Variants in NPY2R observed in about 807,000 individuals in gnomAD.
The protein encoded by NPY2R is neuropeptide Y receptor Y2.
A neutral mutation model predicts 22.3 loss-of-function variants in NPY2R; 17 were observed. The ratio of observed to expected loss-of-function variants is 0.76; its 90% CI spans 0.52 to 1.14. The LOEUF is 1.14. NPY2R is among the 50% of genes most tolerant of loss of function. The pLI, the probability that NPY2R is intolerant of heterozygous loss-of-function variation, is 0.00. For synonymous variants in NPY2R, 209 were observed against 183.4 expected (o/e 1.14, Z -1.13); for missense variants, 424 against 467.9 (o/e 0.91, Z 0.87).
chr4:155,201,878 T>C, the NPY2R span, among the ~76,000 whole-genome samples: 1 of 152,274 alleles, frequency 6.6e-6, no homozygotes, highest in South Asian at 2.1e-4. Context: ...CACTTTTGCA[T>C]TAACACATCA....
chr4:155,186,977 T>C, the NPY2R span, among the ~76,000 whole-genome samples: 1 of 152,160 alleles, frequency 6.6e-6, no homozygotes, highest in Non-Finnish European at 1.5e-5. Flanking sequence ...TTTTCTACAA[T>C]TTTGGAGAAA....
At chr4:155,185,044 A>ATTTTT in the NPY2R span, among the ~76,000 whole-genome samples, 2,648 of 140,594 alleles carry the variant, frequency 0.019, 41 homozygotes, top group East Asian at 0.055. Flanking sequence ...ATATATATAT[A>ATTTTT]TTTTTTTTTT....
the NPY2R span, among the ~76,000 whole-genome samples, chr4:155,197,696 G>A: frequency 0.022 from 3,363 of 152,054 alleles, 114 homozygotes; most frequent in African/African-American, 0.078. Context: ...GAACTAACAT[G>A]AATAGCTAAA....
the NPY2R span, among the ~76,000 whole-genome samples, chr4:155,180,200 A>G: frequency 2.0e-5 from 3 of 152,098 alleles, no homozygotes; most frequent in East Asian, 1.9e-4. Flanking sequence ...AATTACAGGC[A>G]TGAGCTGCTG....
At chr4:155,190,171 T>A in the NPY2R span, among the ~76,000 whole-genome samples, 1 of 152,030 alleles carries the variant, frequency 6.6e-6, no homozygotes, top group Non-Finnish European at 1.5e-5. Flanking sequence ...AGTAAAATTT[T>A]AAAAATCCAT....
At chr4:155,180,145 C>T in the NPY2R span, among the ~76,000 whole-genome samples, 1 of 151,506 alleles carries the variant, frequency 6.6e-6, no homozygotes, top group South Asian at 2.1e-4. Flanking sequence ...TTCTCAAACT[C>T]CTAGGCTCAG....
the NPY2R span, among the ~76,000 whole-genome samples, chr4:155,197,220 T>A: frequency 6.6e-6 from 1 of 151,988 alleles, no homozygotes; most frequent in Non-Finnish European, 1.5e-5. Flanking sequence ...AAATACTTTT[T>A]TTGTGGTAAA....
At position 155,215,495 on chromosome 4, in the gene NPY2R, G is replaced by T; in HGVS notation, c.*410G>T. 1 of 268,648 alleles carries T rather than the reference G, an allele frequency of 3.7e-6. No homozygotes were observed. The highest frequency in any genetic ancestry group is 7.7e-6 in the Non-Finnish European group (1 of 129,538). The allele number at this position is 268,648 out of a possible 1,614,324, so 16.6% of individuals were successfully genotyped here. ...GTGTGCAGTTCGCTGCTCCCTGCTT[G>T]GCTTATGAAAACACCACTGAACAGA... On this transcript the variant is annotated 3_prime_UTR_variant, in exon 2 of 2. Coordinates refer to ENST00000329476, the MANE Select transcript of NPY2R (RefSeq NM_000910.4).
the NPY2R span, among the ~76,000 whole-genome samples, chr4:155,187,847 C>T: frequency 9.9e-3 from 1,508 of 152,144 alleles, 16 homozygotes; most frequent in South Asian, 0.031. Flanking sequence ...TGTTTAATGT[C>T]GTACAGAAAA....
chr4:155,195,492 T>G, the NPY2R span, among the ~76,000 whole-genome samples: 3 of 151,582 alleles, frequency 2.0e-5, no homozygotes, highest in Non-Finnish European at 4.4e-5. Context: ...AGCACCACAG[T>G]TAAGAAATAT....
chr4:155,198,691 C>T, the NPY2R span, among the ~76,000 whole-genome samples: 1 of 135,622 alleles, frequency 7.4e-6, no homozygotes, highest in Non-Finnish European at 1.6e-5. Flanking sequence ...TAATATATGC[C>T]TCTTATTTTA....
Position 155,216,146 on chromosome 4 carries a change from A to T in NPY2R, c.*1061A>T, listed in dbSNP as rs1729509726. 6.0e-6 allele frequency: 1 copy of T among 167,050 alleles called. No homozygotes were observed. Among genetic ancestry groups the T allele is most frequent in the Non-Finnish European group, 1.5e-5 (1 of 68,100 alleles). 10.3% of individuals were successfully genotyped at this position (167,050 alleles called of 1,614,324 possible). A position where few individuals can be genotyped will look rare whatever the true frequency, so the allele number is the denominator to read the frequency against. ...AAACAATGTAATTACATTAAAATGG[A>T]CCTATCTGTAAGAGGTACTAAAAAC... On this transcript the variant is annotated 3_prime_UTR_variant, in exon 2 of 2. Coordinates refer to ENST00000329476, the MANE Select transcript of NPY2R (RefSeq NM_000910.4).
chr4:155,174,031 G>C, the NPY2R span: 5 of 151,798 alleles, frequency 3.3e-5, no homozygotes, highest in African/African-American at 1.2e-4. Context: ...TTAATCATTT[G>C]TTCAAATGTT....
the NPY2R span, among the ~76,000 whole-genome samples, chr4:155,203,613 C>CA: frequency 6.6e-6 from 1 of 152,046 alleles, no homozygotes; most frequent in Non-Finnish European, 1.5e-5. Flanking sequence ...GGCATAGATC[C>CA]AAACAGAAAT....
the NPY2R span, among the ~76,000 whole-genome samples, chr4:155,174,484 A>ATATATATATATATATATATAT: frequency 4.9e-3 from 524 of 105,906 alleles, 2 homozygotes; most frequent in South Asian, 0.013. Flanking sequence ...ATATATATAT[A>ATATATATATATATATATATAT]TTTTTTTTTT....
At chr4:155,196,884 G>A in the NPY2R span, among the ~76,000 whole-genome samples, 33 of 152,032 alleles carry the variant, frequency 2.2e-4, no homozygotes, top group African/African-American at 6.7e-4. Flanking sequence ...TTGAGGGAAA[G>A]AATTGTGTGG....
At chr4:155,207,840 T>G (rs1207129161), upstream of NPY2R, 2 of 152,322 alleles carry the variant, frequency 1.3e-5, no homozygotes, top group Non-Finnish European at 2.9e-5. Flanking sequence ...AGAGAGATTG[T>G]GTTTTATTCG....
At chr4:155,210,443 T>G (rs1729380356) in intron 1 of NPY2R, among the ~76,000 whole-genome samples, 1 of 151,348 alleles carries the variant, frequency 6.6e-6, no homozygotes, top group Admixed American at 6.7e-5. Flanking sequence ...ATCTCATGCT[T>G]CCTCTCAATT....
chr4:155,213,892 G>A lies in NPY2R; in HGVS notation c.-48G>A. The A allele has an allele frequency of 6.8e-7, 1 of 1,463,256 alleles. No individual in the cohort carries two copies. Among genetic ancestry groups the A allele is most frequent in the Non-Finnish European group, 9.6e-7 (1 of 1,043,504 alleles). The allele number at this position is 1,463,256 out of a possible 1,614,324, so 90.6% of individuals were successfully genotyped here. On this transcript the variant is annotated splice_region_variant and 5_prime_UTR_variant, in exon 2 of 2. Transcript: ENST00000329476. ...GTTTTATTTTGTTTTTTCTTTTTAG[G>A]TTGTAGACTCTTGTGCTGGTTGCAG...
Sources: gnomAD v4.1 joint callset for allele counts (sites outside exome capture counted in the v4.1 genomes callset) on GRCh38, gnomAD v4.1.1 for gene constraint, MANE v1.5 for transcripts, NCBI Gene and HGNC (gene_info 2026-07-23, HGNC 2026-07-21) for gene names.